The following CADM2 variants were observed in gnomAD, a reference collection of about 807,000 sequenced individuals.
CADM2 encodes the protein immunoglobulin superfamily member 4D.
In CADM2, 12 loss-of-function variants were observed where a neutral mutation model predicts 49.8. The observed-to-expected ratio is 0.24, with a 90% CI of 0.15 to 0.39. The LOEUF is 0.39. Ranked by LOEUF, CADM2 falls within the 10% of genes least tolerant of loss-of-function variation. CADM2 has a pLI of 1.00. For missense variants in CADM2, 378 were observed against 492.3 expected (o/e 0.77, Z 2.20); for synonymous variants, 214 against 175.4 (o/e 1.22, Z -1.74).
At chr3:85,177,495 A>C (rs1321914844) in intron 1 of CADM2, among the ~76,000 whole-genome samples, 1 of 152,078 alleles carries the variant, frequency 6.6e-6, no homozygotes, top group African/African-American at 2.4e-5. Context: ...AAATGATCAT[A>C]TAATATCTTA....
rs1576318447 is a variant in CADM2, at chr3:85,304,556, C to A, written c.61+344888C>A. Among the ~76,000 whole-genome samples, 6 of 151,802 alleles carry A rather than the reference C, an allele frequency of 4.0e-5. No homozygotes were observed. The South Asian group carries it at 1.2e-3, about 31-fold the overall frequency. ...AAATTTATAAAACTATTAGTCCTGT[C>A]CACCAGAGGGCATAAATTTTCCACA... On this transcript the variant is annotated intron_variant, in intron 1 of 9. Transcript: ENST00000383699.
At chr3:85,336,639 A>C (rs1194495085) in intron 1 of CADM2, among the ~76,000 whole-genome samples, 1 of 150,936 alleles carries the variant, frequency 6.6e-6, no homozygotes, top group Admixed American at 6.6e-5. Flanking sequence ...AGCAACTAAT[A>C]CCAGTAATGT....
chr3:85,117,251 ATT>A (rs11318447), intron 1 of CADM2, among the ~76,000 whole-genome samples: 6 of 150,896 alleles, frequency 4.0e-5, no homozygotes, highest in Non-Finnish European at 7.4e-5. Flanking sequence ...AAATTTTATG[ATT>A]TTTTTTTTCT....
intron 1 of CADM2, among the ~76,000 whole-genome samples, chr3:85,291,225 G>A (rs1009138030): frequency 6.6e-6 from 1 of 151,884 alleles, no homozygotes; most frequent in African/African-American, 2.4e-5. Context: ...AAGCTAGAAG[G>A]GAAGTTTAGA....
At chr3:85,640,944 A>C (rs529855023) in intron 1 of CADM2, among the ~76,000 whole-genome samples, 3 of 152,280 alleles carry the variant, frequency 2.0e-5, no homozygotes, top group Admixed American at 2.0e-4. Context: ...GTTTTTGCCT[A>C]ATCTATACCT....
At chr3:85,564,373 A>G (rs2062192512) in intron 1 of CADM2, among the ~76,000 whole-genome samples, 1 of 152,164 alleles carries the variant, frequency 6.6e-6, no homozygotes, top group Non-Finnish European at 1.5e-5. Flanking sequence ...GCAATGAAAT[A>G]TGCCTCAAGG....
intron 1 of CADM2, among the ~76,000 whole-genome samples, chr3:85,599,695 A>T (rs1192123607): frequency 1.0e-5 from 1 of 99,622 alleles, no homozygotes; most frequent in Non-Finnish European, 2.4e-5. Context: ...AAATTAAAAA[A>T]TTATGTCAAA....
intron 5 of CADM2, among the ~76,000 whole-genome samples, chr3:85,904,168 G>T (rs1340923198): frequency 6.6e-6 from 1 of 152,062 alleles, no homozygotes; most frequent in African/African-American, 2.4e-5. Context: ...CTTCTTCCCT[G>T]GGCAAAATGG....
intron 1 of CADM2, among the ~76,000 whole-genome samples, chr3:84,993,686 G>C (rs2033021747): frequency 6.6e-6 from 1 of 152,118 alleles, no homozygotes; most frequent in Non-Finnish European, 1.5e-5. Context: ...ATGAACTGTT[G>C]TATTTCTTCA....
At chr3:85,425,908 G>A (rs907262661) in intron 1 of CADM2, among the ~76,000 whole-genome samples, 3 of 152,158 alleles carry the variant, frequency 2.0e-5, no homozygotes, top group African/African-American at 7.2e-5. Flanking sequence ...GCAGGCACAT[G>A]ATCTACAGCT....
chr3:84,973,335 C>G (rs2031596413), intron 1 of CADM2, among the ~76,000 whole-genome samples: 1 of 152,110 alleles, frequency 6.6e-6, no homozygotes, highest in South Asian at 2.1e-4. Context: ...TGCTGTAAAC[C>G]TCACTGGGCT....
At chr3:85,633,249 A>C (rs1175145577) in intron 1 of CADM2, among the ~76,000 whole-genome samples, 1 of 152,038 alleles carries the variant, frequency 6.6e-6, no homozygotes, top group African/African-American at 2.4e-5. Flanking sequence ...GTTTGTTTTA[A>C]AGCTGGAAAC....
intron 1 of CADM2, among the ~76,000 whole-genome samples, chr3:85,587,532 C>T (rs748638648): frequency 1.3e-5 from 2 of 151,912 alleles, no homozygotes; most frequent in South Asian, 2.1e-4. Flanking sequence ...GAATTCCTAG[C>T]GAGTCACACT....
intron 1 of CADM2, among the ~76,000 whole-genome samples, chr3:85,103,043 C>T (rs547615039): frequency 1.3e-5 from 2 of 152,168 alleles, no homozygotes; most frequent in South Asian, 2.1e-4. Flanking sequence ...GGAAACAGAA[C>T]TTTAAATGAG....
At chr3:85,478,948 A>G (rs1395614710) in intron 1 of CADM2, among the ~76,000 whole-genome samples, 1 of 151,556 alleles carries the variant, frequency 6.6e-6, no homozygotes, top group Non-Finnish European at 1.5e-5. Context: ...ATTTTATTTT[A>G]TTTTATTTTA....
Position 85,586,789 on chromosome 3 carries a change from A to G in CADM2, c.62-139733A>G, listed in dbSNP as rs143899203. Among the ~76,000 whole-genome samples the G allele has an allele frequency of 2.3e-3, 351 of 152,210 alleles. 1 individual carries two copies. The highest frequency in any genetic ancestry group is 3.8e-3 in the Non-Finnish European group (256 of 68,000). On this transcript the variant is annotated intron_variant, in intron 1 of 9. Transcript: ENST00000383699. Reference sequence around the variant, plus strand: ...CCAATGTCAAGTATCATCTCTGAATAACTTTATTACAAAAGAGAAAAGTAT... The same window carrying G: ...CCAATGTCAAGTATCATCTCTGAATGACTTTATTACAAAAGAGAAAAGTAT...
At chr3:84,964,111 G>T (rs9812061) in intron 1 of CADM2, among the ~76,000 whole-genome samples, 51,188 of 151,730 alleles carry the variant, frequency 0.34, 8,862 homozygotes, top group Non-Finnish European at 0.37. Context: ...AACATAACAT[G>T]ACAAAGCTAA....
intron 1 of CADM2, among the ~76,000 whole-genome samples, chr3:85,172,192 TCATGGGTGAGCC>T (rs920376423): frequency 6.6e-6 from 1 of 152,206 alleles, no homozygotes; most frequent in African/African-American, 2.4e-5. Context: ...CAGATGGCAG[TCATGGGTGAGCC>T]CCAGTTTCTA....
At chr3:85,560,760 G>C (rs192941232) in intron 1 of CADM2, among the ~76,000 whole-genome samples, 1 of 152,254 alleles carries the variant, frequency 6.6e-6, no homozygotes, top group African/African-American at 2.4e-5. Context: ...TACAACAATT[G>C]TAAGTAAATA....
Sources: allele counts gnomAD v4.1 joint callset (sites outside exome capture counted in the v4.1 genomes callset), GRCh38; gene constraint gnomAD v4.1.1; transcripts MANE v1.5; gene names NCBI Gene and HGNC (gene_info 2026-07-23, HGNC 2026-07-21).